The following MAGI1 variants were observed in gnomAD, a reference collection of about 807,000 sequenced individuals.
MAGI1 encodes membrane associated guanylate kinase, WW and PDZ domain containing 1, also known as membrane-associated guanylate kinase, WW and PDZ domain-containing protein 1.
In MAGI1, 58 loss-of-function variants were observed where a neutral mutation model predicts 139.9. The ratio of observed to expected loss-of-function variants is 0.41; its 90% confidence interval spans 0.34 to 0.52. The LOEUF is 0.52. Among genes scored for constraint, MAGI1 ranks in the 20% least tolerant of loss-of-function variants. The probability of loss-of-function intolerance (pLI) is 0.12; values close to 1 mark genes in which losing one functional copy is unlikely to be tolerated. For synonymous variants in MAGI1, 812 were observed against 737.9 expected, an observed-to-expected ratio of 1.10 and a Z score of -1.63; for missense variants, 1,874 against 1,901.6, an observed-to-expected ratio of 0.99 and a Z score of 0.27.
chr3:65,766,385 TA>T (rs1394659695), intron 1 of MAGI1, among the ~76,000 whole-genome samples: 1 of 152,086 alleles, frequency 6.6e-6, no homozygotes, highest in Non-Finnish European at 1.5e-5. Context: ...AGGAGGAACA[TA>T]AACTAGATTG....
intron 1 of MAGI1, among the ~76,000 whole-genome samples, chr3:65,817,036 A>T (rs2041649577): frequency 6.6e-6 from 1 of 152,228 alleles, no homozygotes; most frequent in Non-Finnish European, 1.5e-5. Flanking sequence ...GGGTTTGGAC[A>T]TAAATTGCAA....
intron 1 of MAGI1, among the ~76,000 whole-genome samples, chr3:66,001,599 G>T (rs1332069316): frequency 6.6e-6 from 1 of 152,198 alleles, no homozygotes; most frequent in Non-Finnish European, 1.5e-5. Flanking sequence ...CTGAGGCTCA[G>T]ACAGGTTACA....
At chr3:65,634,670 G>A (rs1179658080) in intron 1 of MAGI1, among the ~76,000 whole-genome samples, 5 of 152,146 alleles carry the variant, frequency 3.3e-5, no homozygotes, top group African/African-American at 1.2e-4. Context: ...GCAGTAAATT[G>A]TTACTTTTAC....
chr3:65,514,837 C>G (rs1214749509), intron 2 of MAGI1, among the ~76,000 whole-genome samples: 1 of 147,982 alleles, frequency 6.8e-6, no homozygotes, highest in Non-Finnish European at 1.5e-5. Context: ...ATAAATCATG[C>G]TGCTATAAAG....
At chr3:65,451,420 T>C (rs1412564910) in intron 6 of MAGI1, among the ~76,000 whole-genome samples, 1 of 152,198 alleles carries the variant, frequency 6.6e-6, no homozygotes. Flanking sequence ...CTATGATCTT[T>C]GAAAACTGGT....
Position 66,038,503 on chromosome 3 carries a change from T to G in MAGI1, c.-195A>C. On this transcript the variant is annotated 5_prime_UTR_variant, in exon 1 of 23. Coordinates refer to ENST00000402939, the MANE Select transcript of MAGI1 (RefSeq NM_001033057.2). ...CCATCATAAAACAAACTTTCTGGGC[T>G]TCCCCGCGAGCCCCGCACAGGCGCC... is the stretch of plus-strand genomic sequence containing the variant. 12 of 745,100 alleles carry G rather than the reference T, an allele frequency of 1.6e-5. No homozygotes were observed. The highest frequency in any genetic ancestry group is 2.1e-5 in the Non-Finnish European group (11 of 513,262). The allele number at this position is 745,100 out of a possible 1,614,324, so 46.2% of individuals were successfully genotyped here.
intron 1 of MAGI1, among the ~76,000 whole-genome samples, chr3:65,897,379 A>G (rs2061015044): frequency 6.6e-6 from 1 of 151,910 alleles, no homozygotes; most frequent in African/African-American, 2.4e-5. Context: ...CAGAAAACCA[A>G]ACACCGCATG....
intron 1 of MAGI1, among the ~76,000 whole-genome samples, chr3:65,941,375 T>C (rs1157459916): frequency 6.6e-6 from 1 of 151,690 alleles, no homozygotes; most frequent in Non-Finnish European, 1.5e-5. Flanking sequence ...ATATTGCCCC[T>C]AGTTAAAACC....
At chr3:65,671,929 T>G (rs868162044) in intron 1 of MAGI1, among the ~76,000 whole-genome samples, 1 of 152,186 alleles carries the variant, frequency 6.6e-6, no homozygotes, top group African/African-American at 2.4e-5. Context: ...TGACCCGTGA[T>G]AGACTTACAA....
chr3:65,686,631 T>C (rs1187952798), intron 1 of MAGI1, among the ~76,000 whole-genome samples: 1 of 152,150 alleles, frequency 6.6e-6, no homozygotes, highest in Admixed American at 6.5e-5. Context: ...AAGGGGATTG[T>C]TGCAGCAACT....
chr3:65,428,319 C>T (rs766768531), intron 12 of MAGI1, among the ~76,000 whole-genome samples: 9 of 152,114 alleles, frequency 5.9e-5, no homozygotes, highest in South Asian at 2.1e-4. Flanking sequence ...CTATCAGTCA[C>T]GACTAATCAC....
intron 2 of MAGI1, among the ~76,000 whole-genome samples, chr3:65,557,792 T>C (rs2080156849): frequency 6.6e-6 from 1 of 152,164 alleles, no homozygotes; most frequent in South Asian, 2.1e-4. Flanking sequence ...GTCCTAGCAA[T>C]ACAACTGGAA....
intron 1 of MAGI1, among the ~76,000 whole-genome samples, chr3:65,907,060 A>G (rs1252066042): frequency 6.6e-6 from 1 of 152,060 alleles, no homozygotes; most frequent in African/African-American, 2.4e-5. Context: ...GTTTACAAAA[A>G]AAAAAAAACA....
chr3:65,928,124 T>G (rs2062614106), intron 1 of MAGI1, among the ~76,000 whole-genome samples: 1 of 152,202 alleles, frequency 6.6e-6, no homozygotes, highest in Non-Finnish European at 1.5e-5. Context: ...AGACAAGGAT[T>G]TTTTTACAGC....
chr3:65,896,368 T>C (rs1476099627), intron 1 of MAGI1, among the ~76,000 whole-genome samples: 1 of 151,256 alleles, frequency 6.6e-6, no homozygotes, highest in Admixed American at 6.6e-5. Context: ...AATTTAGTTA[T>C]ATGTGGTTTA....
At chr3:65,424,362 G>A (rs1575694011) in intron 12 of MAGI1, among the ~76,000 whole-genome samples, 1 of 152,150 alleles carries the variant, frequency 6.6e-6, no homozygotes, top group East Asian at 1.9e-4. Flanking sequence ...GACTTACTGA[G>A]ACCTTATCAC....
rs139563241 is a variant in MAGI1 at position 65,829,031 on chromosome 3, C to A, written c.314-206943G>T. 6.0e-3 allele frequency among the ~76,000 whole-genome samples: 919 copies of A among 152,280 alleles called. 9 individuals carry two copies. The highest frequency in any genetic ancestry group is 9.3e-3 in the South Asian group (45 of 4,826). ...CTGATTTTGCCAACAACCCAAAAAA[C>A]CAAGGAAAACGATCTTTACCCCAGA... is the stretch of plus-strand genomic sequence containing the variant. On this transcript the variant is annotated intron_variant, in intron 1 of 22. Coordinates refer to ENST00000402939, the MANE Select transcript of MAGI1 (RefSeq NM_001033057.2).
chr3:65,486,954 T>C (rs1428479196), intron 3 of MAGI1, among the ~76,000 whole-genome samples: 2 of 152,212 alleles, frequency 1.3e-5, no homozygotes, highest in African/African-American at 4.8e-5. Flanking sequence ...TCATCATCTG[T>C]CTTTTCTACC....
chr3:65,783,803 C>CAAAAAAA (rs71102879), intron 1 of MAGI1, among the ~76,000 whole-genome samples: 8 of 129,790 alleles, frequency 6.2e-5, no homozygotes, highest in Non-Finnish European at 1.1e-4. Context: ...CAGCCTGTAC[C>CAAAAAAA]AAAAAAAAAA....
Sources: gnomAD v4.1 joint callset for allele counts (sites outside exome capture counted in the v4.1 genomes callset) on GRCh38, gnomAD v4.1.1 for gene constraint, MANE v1.5 for transcripts, NCBI Gene and HGNC (gene_info 2026-07-23, HGNC 2026-07-21) for gene names.